Variants in VWC2L observed in about 807,000 individuals in gnomAD.
VWC2L encodes von Willebrand factor C domain containing 2 like.
A neutral mutation model predicts 21.6 loss-of-function variants in VWC2L; 10 were observed. The observed-to-expected ratio is 0.46, with a 90% CI of 0.29 to 0.78. The LOEUF is 0.78. Among genes scored for constraint, VWC2L ranks in the 30% least tolerant of loss-of-function variants. The pLI, the probability that VWC2L is intolerant of heterozygous loss-of-function variation, is 0.10. For missense variants in VWC2L, 209 were observed against 277.1 expected (o/e 0.75, Z 1.74); for synonymous variants, 96 against 94.3 (o/e 1.02, Z -0.10).
At chr2:214,468,418 A>C (rs1026849955) in intron 3 of VWC2L, among the ~76,000 whole-genome samples, 2 of 152,226 alleles carry the variant, frequency 1.3e-5, no homozygotes, top group Non-Finnish European at 2.9e-5. Flanking sequence ...TCCAGCTTTC[A>C]CATCCAGATT....
chr2:214,418,942 G>A (rs1223966078), intron 2 of VWC2L, among the ~76,000 whole-genome samples: 1 of 152,038 alleles, frequency 6.6e-6, no homozygotes, highest in African/African-American at 2.4e-5. Context: ...TCCCAGCATC[G>A]CAATGACTAC....
At chr2:214,424,867 T>C (rs1401031082) in intron 2 of VWC2L, among the ~76,000 whole-genome samples, 1 of 152,246 alleles carries the variant, frequency 6.6e-6, no homozygotes, top group African/African-American at 2.4e-5. Context: ...AATGCGATTA[T>C]TTATGGAAAT....
chr2:214,461,255 A>G (rs1703136205), intron 3 of VWC2L, among the ~76,000 whole-genome samples: 1 of 152,200 alleles, frequency 6.6e-6, no homozygotes, highest in African/African-American at 2.4e-5. Context: ...CAGCTTGCTC[A>G]GGGGCCAGAA....
chr2:214,427,771 C>T (rs1366923748), intron 2 of VWC2L, among the ~76,000 whole-genome samples: 1 of 152,162 alleles, frequency 6.6e-6, no homozygotes, highest in Non-Finnish European at 1.5e-5. Context: ...TTCTCCCATA[C>T]ACTTTAAACT....
intron 2 of VWC2L, among the ~76,000 whole-genome samples, chr2:214,418,577 C>T (rs562089667): frequency 6.6e-6 from 1 of 152,264 alleles, no homozygotes; most frequent in Admixed American, 6.5e-5. Flanking sequence ...TTGAACCCTT[C>T]GAGGCTAGCG....
chr2:214,415,276 T>A (rs1484601638), intron 2 of VWC2L: 2 of 152,280 alleles, frequency 1.3e-5, no homozygotes, highest in Non-Finnish European at 2.9e-5. Flanking sequence ...TAGCTTAGAG[T>A]TCATTTTTAT....
chr2:214,512,872 G>A (rs751865487), intron 3 of VWC2L, among the ~76,000 whole-genome samples: 13 of 152,100 alleles, frequency 8.5e-5, no homozygotes, highest in South Asian at 2.1e-4. Context: ...ATAAACTACA[G>A]TATCTAAGTA....
chr2:214,447,470 AC>A (rs906333751), intron 3 of VWC2L, among the ~76,000 whole-genome samples: 8 of 152,096 alleles, frequency 5.3e-5, no homozygotes, highest in African/African-American at 1.4e-4. Flanking sequence ...AGTTACATTC[AC>A]TTCTTCACTT....
intron 3 of VWC2L, among the ~76,000 whole-genome samples, chr2:214,527,044 A>T (rs985720383): frequency 7.2e-5 from 11 of 152,198 alleles, no homozygotes; most frequent in Admixed American, 6.5e-4. Context: ...TGGCACGTAT[A>T]CACCATAGAA....
intron 2 of VWC2L, 93 bp from the exon 3 acceptor site, chr2:214,436,536 T>C (rs1389921328): frequency 6.8e-6 from 10 of 1,466,944 alleles, no homozygotes; most frequent in Non-Finnish European, 9.3e-6. Context: ...AAAGCCAATA[T>C]AATAAGCACT....
Position 214,569,981 on chromosome 2 carries a change from GA to G in VWC2L, c.521-5682del, listed in dbSNP as rs139845885. On this transcript the variant is annotated intron_variant, in intron 3 of 3. Coordinates refer to ENST00000312504, the MANE Select transcript of VWC2L (RefSeq NM_001080500.4). ...ATGGGGAAATTTCAGGGCTTACCAGGAAAAAAAAACTGCTCAGCTCTTAATA... is the reference window on the plus strand; with the variant it reads ...ATGGGGAAATTTCAGGGCTTACCAGGAAAAAAAACTGCTCAGCTCTTAATA... Among the ~76,000 whole-genome samples the G allele has an allele frequency of 8.6e-5, 13 of 150,878 alleles. No homozygotes were observed. The South Asian group carries it at 2.1e-3, about 24-fold the overall frequency.
In VWC2L at chr2:214,414,676, A is replaced by T. The variant is rs902244027; in HGVS notation, c.390+93A>T. 5 of 1,374,724 alleles carry T rather than the reference A, an allele frequency of 3.6e-6. No individual in the cohort carries two copies. In the South Asian group the frequency reaches 5.6e-5, roughly 15 times the overall value. The allele number at this position is 1,374,724 out of a possible 1,614,324, so 85.2% of individuals were successfully genotyped here. Reference sequence around the variant, plus strand: ...ATTAAAGTCAGAGTTGGAAAAATGTACTTTAAAATTTCCCTTTAAATTATA... The same window carrying T: ...ATTAAAGTCAGAGTTGGAAAAATGTTCTTTAAAATTTCCCTTTAAATTATA... On this transcript the variant is annotated intron_variant, in intron 2 of 3. Transcript: ENST00000312504.
intron 3 of VWC2L, among the ~76,000 whole-genome samples, chr2:214,484,881 G>A (rs1688654594): frequency 1.3e-5 from 2 of 152,228 alleles, no homozygotes; most frequent in Middle Eastern, 3.4e-3. Context: ...CCATACCAAT[G>A]AGCTTTTAGG....
At chr2:214,501,250 C>T (rs1317375087) in intron 3 of VWC2L, among the ~76,000 whole-genome samples, 1 of 152,100 alleles carries the variant, frequency 6.6e-6, no homozygotes, top group Non-Finnish European at 1.5e-5. Context: ...CTCCACCTTC[C>T]CTCTGATGAA....
At chr2:214,514,269 A>G (rs968327485) in intron 3 of VWC2L, among the ~76,000 whole-genome samples, 6 of 152,244 alleles carry the variant, frequency 3.9e-5, no homozygotes, top group Non-Finnish European at 8.8e-5. Context: ...ATAGACAGAA[A>G]GCATCTGTAT....
At chr2:214,549,207 T>C (rs188586712) in intron 3 of VWC2L, among the ~76,000 whole-genome samples, 114 of 152,314 alleles carry the variant, frequency 7.5e-4, no homozygotes, top group African/African-American at 2.7e-3. Flanking sequence ...TTTATGCTAA[T>C]TTCTCCATCT....
intron 3 of VWC2L, among the ~76,000 whole-genome samples, chr2:214,543,951 G>A (rs570613783): frequency 1.3e-5 from 2 of 152,258 alleles, no homozygotes; most frequent in Admixed American, 1.3e-4. Flanking sequence ...AAGATCAGAA[G>A]GATCTATAGC....
At chr2:214,542,007 T>C (rs1689635975) in intron 3 of VWC2L, among the ~76,000 whole-genome samples, 1 of 152,034 alleles carries the variant, frequency 6.6e-6, no homozygotes, top group Admixed American at 6.5e-5. Flanking sequence ...GCTGCTGTTG[T>C]TTATTTTTGA....
intron 3 of VWC2L, among the ~76,000 whole-genome samples, chr2:214,493,615 GTCTT>G (rs1688774153): frequency 6.6e-6 from 1 of 152,136 alleles, no homozygotes; most frequent in Non-Finnish European, 1.5e-5. Context: ...AAGAGGAAAT[GTCTT>G]TCTAACAGCT....
Sources: gnomAD v4.1 joint callset for allele counts (sites outside exome capture counted in the v4.1 genomes callset) on GRCh38, gnomAD v4.1.1 for gene constraint, MANE v1.5 for transcripts, NCBI Gene and HGNC (gene_info 2026-07-23, HGNC 2026-07-21) for gene names.